The following TNFRSF11A variants were observed in gnomAD, a reference collection of about 807,000 sequenced individuals.
TNFRSF11A encodes tumor necrosis factor receptor superfamily member 11A.
TNFRSF11A carries 32 observed loss-of-function variants against 55.7 expected under a neutral mutation model. The observed-to-expected ratio is 0.57, with a 90% CI of 0.43 to 0.77. The LOEUF (loss-of-function observed/expected upper bound fraction) is 0.77, where lower values mean the gene tolerates loss of function less well. TNFRSF11A is among the 30% of genes least tolerant of loss of function. The pLI is 0.00. For synonymous variants in TNFRSF11A, 311 were observed against 331.0 expected (o/e 0.94, Z 0.65); for missense variants, 753 against 809.8 (o/e 0.93, Z 0.85).
chr18:62,335,172 C>T lies in TNFRSF11A; in HGVS notation c.75+9745C>T, dbSNP rs373457010. 4.4e-4 allele frequency among the ~76,000 whole-genome samples: 63 copies of T among 144,814 alleles called. No individual in the cohort carries two copies. The East Asian group carries it at 7.8e-3, about 18-fold the overall frequency. ...TTACCCAGGCTGGAGTGCAGTGGCG[C>T]GATCTCAGCTCACTGAACCTCGCTT... On this transcript the variant is annotated intron_variant, in intron 1 of 9. Coordinates refer to ENST00000586569, the MANE Select transcript of TNFRSF11A (RefSeq NM_003839.4).
chr18:62,351,710 A>G (rs1287580652), intron 3 of TNFRSF11A, among the ~76,000 whole-genome samples: 3 of 152,246 alleles, frequency 2.0e-5, no homozygotes, highest in East Asian at 1.9e-4. Flanking sequence ...TTGCAAAACA[A>G]TATCTTAATC....
chr18:62,352,011 G>A (rs1200168444), intron 3 of TNFRSF11A, among the ~76,000 whole-genome samples: 1 of 152,114 alleles, frequency 6.6e-6, no homozygotes, highest in African/African-American at 2.4e-5. Flanking sequence ...GTCCAGGCTG[G>A]TCCTGAACTC....
At position 62,387,243 on chromosome 18, in the gene TNFRSF11A, C is replaced by G. The variant is rs1270170679; in HGVS notation, c.*2209C>G. The G allele has an allele frequency of 1.3e-5, 2 of 152,116 alleles. No individual in the cohort carries two copies. The highest frequency in any genetic ancestry group is 2.9e-5 in the Non-Finnish European group (2 of 68,038). The allele number at this position is 152,116 out of a possible 1,614,324, so 9.4% of individuals were successfully genotyped here. A position where few individuals can be genotyped will look rare whatever the true frequency, so the allele number is the denominator to read the frequency against. On this transcript the variant is annotated 3_prime_UTR_variant, in exon 10 of 10. Coordinates refer to ENST00000586569, the MANE Select transcript of TNFRSF11A (RefSeq NM_003839.4). ...TTTCCTGCACTGATCCCTACTAATTCTATATTGATCCAAAGGCAACTCAAT... is the reference window on the plus strand; with the variant it reads ...TTTCCTGCACTGATCCCTACTAATTGTATATTGATCCAAAGGCAACTCAAT...
rs960736302 is a variant in TNFRSF11A, at chr18:62,346,891, G to C, written c.76-1277G>C. Reference sequence around the variant, plus strand: ...ACTGCCTTTGTGACACTGGGCTCCAGCTGGACTGAAGGTCTCTTACTGCCT... The same window carrying C: ...ACTGCCTTTGTGACACTGGGCTCCACCTGGACTGAAGGTCTCTTACTGCCT... On this transcript the variant is annotated intron_variant, in intron 1 of 9. Transcript: ENST00000586569. Among the ~76,000 whole-genome samples the C allele has an allele frequency of 4.6e-5, 7 of 152,310 alleles. No individual in the cohort carries two copies. The East Asian group carries it at 7.7e-4, about 17-fold the overall frequency.
intron 3 of TNFRSF11A, among the ~76,000 whole-genome samples, chr18:62,352,776 C>A (rs1029005687): frequency 6.6e-6 from 1 of 152,160 alleles, no homozygotes; most frequent in South Asian, 2.1e-4. Flanking sequence ...GAAGAGTGGG[C>A]ACTGCAGGAA....
intron 9 of TNFRSF11A, among the ~76,000 whole-genome samples, chr18:62,373,745 T>A (rs1051463226): frequency 6.6e-6 from 1 of 152,126 alleles, no homozygotes; most frequent in Non-Finnish European, 1.5e-5. Context: ...AGAGCACAGG[T>A]GAGCTGGTTC....
At chr18:62,359,824 G>A (rs1356447194) in intron 5 of TNFRSF11A, 131 bp from the exon 6 acceptor site, 1 of 762,946 alleles carries the variant, frequency 1.3e-6, no homozygotes, top group Non-Finnish European at 2.3e-6. Context: ...AGGCACAGGG[G>A]ATTCAAATGT....
At chr18:62,334,047 G>C (rs186538130) in intron 1 of TNFRSF11A, among the ~76,000 whole-genome samples, 92 of 152,152 alleles carry the variant, frequency 6.0e-4, no homozygotes, top group Non-Finnish European at 7.4e-5. Flanking sequence ...TGTATTTTTA[G>C]TAGAGACGGG....
intron 1 of TNFRSF11A, among the ~76,000 whole-genome samples, chr18:62,333,352 C>G (rs1315653367): frequency 6.6e-6 from 1 of 152,204 alleles, no homozygotes; most frequent in Non-Finnish European, 1.5e-5. Context: ...GGCCAGCAGT[C>G]TGTGGCTTCA....
In TNFRSF11A at chr18:62,325,783, G is replaced by A. The variant is rs1474725065; in HGVS notation, c.75+356G>A. 1.3e-5 allele frequency among the ~76,000 whole-genome samples: 2 copies of A among 152,236 alleles called. No individual in the cohort carries two copies. The highest frequency in any genetic ancestry group is 2.1e-4 in the South Asian group (1 of 4,832). ...GCCGGGCGGTGCCGCGGGAGACAGCGCCGTGGGCACCTCACTTGCGGCAGA... is the reference window on the plus strand; with the variant it reads ...GCCGGGCGGTGCCGCGGGAGACAGCACCGTGGGCACCTCACTTGCGGCAGA... On this transcript the variant is annotated intron_variant, in intron 1 of 9. Transcript: ENST00000586569. The surrounding 1 kb of genome is among the most constrained non-coding windows in gnomAD (Gnocchi z 4.7).
Position 62,365,135 on chromosome 18 carries a change from A to AT in TNFRSF11A, c.731-1566dup, listed in dbSNP as rs149954122. ...ACCACCATGCCCGGCTAATTTTTGT[A>AT]TTTTTTTATAGAGGTGGGGTTTCAC... On this transcript the variant is annotated intron_variant, in intron 7 of 9. Transcript: ENST00000586569. Among the ~76,000 whole-genome samples, 12 of 151,696 alleles carry AT rather than the reference A, an allele frequency of 7.9e-5. No homozygotes were observed. In the East Asian group the frequency reaches 1.8e-3, roughly 22 times the overall value.
intron 1 of TNFRSF11A, among the ~76,000 whole-genome samples, chr18:62,329,912 G>T (rs2046127704): frequency 6.6e-6 from 1 of 152,188 alleles, no homozygotes; most frequent in Non-Finnish European, 1.5e-5. Context: ...AGCAGCCCCA[G>T]TCAGCAGTGG....
intron 7 of TNFRSF11A, among the ~76,000 whole-genome samples, chr18:62,364,685 A>G (rs1428260249): frequency 6.6e-6 from 1 of 152,198 alleles, no homozygotes; most frequent in Non-Finnish European, 1.5e-5. Flanking sequence ...TTGCAAAATA[A>G]GAGAAAAGAA....
At chr18:62,365,853 T>C (rs2145344794) in intron 7 of TNFRSF11A, among the ~76,000 whole-genome samples, 1 of 152,356 alleles carries the variant, frequency 6.6e-6, no homozygotes, top group East Asian at 1.9e-4. Flanking sequence ...AGTTTCGCTC[T>C]GTTGCCTAGG....
At position 62,359,976 on chromosome 18, in the gene TNFRSF11A, A is replaced by T. The variant is rs762733251; in HGVS notation, c.543A>T (p.Arg181Ser). The T allele has an allele frequency of 8.9e-5, 144 of 1,613,880 alleles. 1 individual carries two copies. The highest frequency in any genetic ancestry group is 1.6e-4 in the Middle Eastern group (1 of 6,084). ...PWTNCTFLGK[R>S]VEHHGTEKSD... ...ACAGCTGTACCTTCCTTGGAAAGAG[A>T]GTAGAACATCATGGGACAGAGAAAT... The change falls in exon 6 of 10, where the codon AGA becomes AGT. Residue 181 changes from arginine to serine, a missense_variant. Transcript: ENST00000586569.
chr18:62,330,190 G>A (rs964255599), intron 1 of TNFRSF11A, among the ~76,000 whole-genome samples: 1 of 152,214 alleles, frequency 6.6e-6, no homozygotes, highest in African/African-American at 2.4e-5. Context: ...GGCAGTCCAG[G>A]TGTGTGCAGA....
chr18:62,353,209 A>G (rs552900995), intron 3 of TNFRSF11A, among the ~76,000 whole-genome samples: 1 of 152,320 alleles, frequency 6.6e-6, no homozygotes, highest in East Asian at 1.9e-4. Flanking sequence ...CGGACTGATC[A>G]CCACGTAAAC....
At chr18:62,345,236 G>T (rs2046366207) in intron 1 of TNFRSF11A, among the ~76,000 whole-genome samples, 1 of 152,132 alleles carries the variant, frequency 6.6e-6, no homozygotes, top group South Asian at 2.1e-4. Flanking sequence ...AAAGAACACT[G>T]GAAGCAGAGA....
rs1439865956 is a variant in TNFRSF11A at position 62,385,115 on chromosome 18, C to T, written c.*81C>T. ...CCGCAGCCTCTGCCCCAGCCCCGGC[C>T]ACCCAGGGATCGATCGGTACAGTCG... On this transcript the variant is annotated 3_prime_UTR_variant, in exon 10 of 10. Transcript: ENST00000586569. 9 of 1,358,314 alleles carry T rather than the reference C, an allele frequency of 6.6e-6. No homozygotes were observed. In the Admixed American group the frequency reaches 1.9e-4, roughly 28 times the overall value. 84.1% of individuals were successfully genotyped at this position (1,358,314 alleles called of 1,614,324 possible).
Sources: gnomAD v4.1 joint callset for allele counts (sites outside exome capture counted in the v4.1 genomes callset) on GRCh38, gnomAD v4.1.1 for gene constraint, Gnocchi (gnomAD v3.1) non-coding constraint, MANE v1.5 for transcripts, NCBI Gene and HGNC (gene_info 2026-07-23, HGNC 2026-07-21) for gene names.